DIAPH2: variants seen among roughly 807,000 people sequenced by gnomAD.
DIAPH2 encodes diaphanous related formin 2.
A neutral mutation model predicts 92.7 loss-of-function variants in DIAPH2; 35 were observed. That is an observed-to-expected ratio of 0.38 (90% confidence interval 0.29 to 0.50). The LOEUF (loss-of-function observed/expected upper bound fraction) is 0.50, where lower values mean the gene tolerates loss of function less well. Among genes scored for constraint, DIAPH2 ranks in the 20% least tolerant of loss-of-function variants. The probability of loss-of-function intolerance (pLI) is 0.94; values close to 1 mark genes in which losing one functional copy is unlikely to be tolerated. For synonymous variants in DIAPH2, 301 were observed against 280.4 expected, an observed-to-expected ratio of 1.07 and a Z score of -0.73; for missense variants, 701 against 819.5, an observed-to-expected ratio of 0.86 and a Z score of 1.77.
At chrX:97,040,455 T>G (rs1357250741) in intron 17 of DIAPH2, among the ~76,000 whole-genome samples, 1 of 111,047 alleles carries the variant, frequency 9.0e-6, no homozygotes, top group Admixed American at 9.6e-5. Flanking sequence ...AGACTTGTGT[T>G]GCATTGAATA....
intron 4 of DIAPH2, among the ~76,000 whole-genome samples, chrX:96,879,768 G>C (rs2065201275): frequency 9.1e-6 from 1 of 110,333 alleles, no homozygotes. Flanking sequence ...CTTGCTCTGT[G>C]GCTCAGGCTG....
Position 96,939,566 on chromosome X carries a change from ATG to A in DIAPH2, c.1325+198_1325+199del, listed in dbSNP as rs1158448452. 8.5e-3 allele frequency among the ~76,000 whole-genome samples: 598 copies of A among 70,439 alleles called. 4 individuals are homozygous for A. Among genetic ancestry groups the A allele is most frequent in the Non-Finnish European group, 0.013 (485 of 36,010 alleles). The allele number at this position is 70,439 out of a possible 115,157, so 61.2% of individuals were successfully genotyped here. ...TGTATGTATATATGTATATATATAT[ATG>A]TGTGTGTGTGTGTATATGTGTGTGT... On this transcript the variant is annotated intron_variant, in intron 12 of 26. Transcript: ENST00000324765.
At chrX:97,570,127 A>AAGATAGATAGATAGATAGAT (rs56210210) in intron 26 of DIAPH2, among the ~76,000 whole-genome samples, 2 of 27,328 alleles carry the variant, frequency 7.3e-5, no homozygotes, top group African/African-American at 1.4e-4. Flanking sequence ...TATATATTAG[A>AAGATAGATAGATAGATAGAT]AGATAGATAG....
chrX:96,713,624 C>T (rs1261588073), intron 1 of DIAPH2, among the ~76,000 whole-genome samples: 1 of 111,784 alleles, frequency 8.9e-6, no homozygotes, highest in Admixed American at 9.5e-5. Flanking sequence ...CATAAAAATC[C>T]TCTATTCACC....
intron 4 of DIAPH2, among the ~76,000 whole-genome samples, chrX:96,843,619 T>C (rs1254758962): frequency 3.6e-5 from 4 of 110,661 alleles, no homozygotes; most frequent in Non-Finnish European, 3.8e-5. Flanking sequence ...GCAAGACAAA[T>C]GGAATTTATG....
intron 13 of DIAPH2, among the ~76,000 whole-genome samples, chrX:96,943,880 A>G (rs762445503): frequency 9.0e-6 from 1 of 111,435 alleles, no homozygotes; most frequent in African/African-American, 3.2e-5. Context: ...TGTTATCCAC[A>G]TGTCATCTCT....
In DIAPH2 at chrX:97,154,494, A is replaced by G. The variant is rs2067308079; in HGVS notation, c.2719+12700A>G. 2.7e-5 allele frequency among the ~76,000 whole-genome samples: 3 copies of G among 111,836 alleles called. 1 individual carries two copies. The highest frequency in any genetic ancestry group is 9.7e-5 in the African/African-American group (3 of 30,849). Reference sequence around the variant, plus strand: ...TTAGAAATATCTAATCACATCATATAAATACTGCTTTGTTCTAAAACTTCA... The same window carrying G: ...TTAGAAATATCTAATCACATCATATGAATACTGCTTTGTTCTAAAACTTCA... On this transcript the variant is annotated intron_variant, in intron 22 of 26. Coordinates refer to ENST00000324765, the MANE Select transcript of DIAPH2 (RefSeq NM_006729.5).
intron 3 of DIAPH2, among the ~76,000 whole-genome samples, chrX:96,751,154 A>G (rs1821014309): frequency 1.8e-5 from 2 of 112,151 alleles, no homozygotes; most frequent in South Asian, 3.7e-4. Context: ...TCCTATTCTT[A>G]TGGCTTCTCA....
chrX:97,529,173 TC>T (rs1463321775), intron 26 of DIAPH2: 1 of 112,028 alleles, frequency 8.9e-6, no homozygotes, highest in Non-Finnish European at 1.9e-5. Flanking sequence ...TGTTTTTCAG[TC>T]ATGTTTTGTA....
intron 26 of DIAPH2, among the ~76,000 whole-genome samples, chrX:97,557,296 T>C (rs2071264092): frequency 9.0e-6 from 1 of 111,696 alleles, no homozygotes. Context: ...CCCAGCACTT[T>C]GGGAGGCCGA....
intron 3 of DIAPH2, among the ~76,000 whole-genome samples, chrX:96,751,652 G>GTTTTTTTTTTTTTTTTT (rs1219167141): frequency 2.3e-4 from 14 of 60,299 alleles, no homozygotes; most frequent in African/African-American, 8.9e-4. Flanking sequence ...TCAGTGTTTT[G>GTTTTTTTTTTTTTTTTT]TTTTTTTTTT....
chrX:97,450,880 C>G (rs920673057), intron 26 of DIAPH2, among the ~76,000 whole-genome samples: 1 of 56,842 alleles, frequency 1.8e-5, no homozygotes, highest in African/African-American at 4.6e-5. Context: ...ATACAATGGG[C>G]TACTTTTTTT....
At chrX:97,129,889 A>T (rs1331093133) in intron 21 of DIAPH2, among the ~76,000 whole-genome samples, 1 of 112,014 alleles carries the variant, frequency 8.9e-6, no homozygotes, top group Non-Finnish European at 1.9e-5. Context: ...TCCGTAATAT[A>T]TAAAGAACTC....
chrX:96,797,144 T>G (rs930927165), intron 4 of DIAPH2, among the ~76,000 whole-genome samples: 3 of 111,744 alleles, frequency 2.7e-5, no homozygotes, highest in African/African-American at 9.8e-5. Flanking sequence ...AATTTAAAGA[T>G]TTCATCCATT....
At chrX:97,541,958 G>T (rs192922117) in intron 26 of DIAPH2, among the ~76,000 whole-genome samples, 6,933 of 111,797 alleles carry the variant, frequency 0.062, 518 homozygotes, top group African/African-American at 0.21. Context: ...TAAAATTTTT[G>T]GGGGGTAAAT....
At position 97,031,208 on chromosome X, in the gene DIAPH2, G is replaced by A. The variant is rs568836834; in HGVS notation, c.2051-41733G>A. Among the ~76,000 whole-genome samples, 93 of 109,867 alleles carry A rather than the reference G, an allele frequency of 8.5e-4. No homozygotes were observed. The Middle Eastern group carries it at 0.014, about 16-fold the overall frequency. On this transcript the variant is annotated intron_variant, in intron 17 of 26. Transcript: ENST00000324765. ...TTTTCTGTAAGTGATGTCCATGGGT[G>A]ACTTTAGGGGAGCCATTTATGTATG...
chrX:97,429,506 A>G, intron 25 of DIAPH2, 144 bp from the exon 26 acceptor site: 1 of 853,065 alleles, frequency 1.2e-6, no homozygotes. Context: ...GGTGCCAGAA[A>G]CTGACAGGAT....
At chrX:97,137,988 C>T (rs1270847902) in intron 21 of DIAPH2, among the ~76,000 whole-genome samples, 2 of 112,007 alleles carry the variant, frequency 1.8e-5, no homozygotes, top group South Asian at 3.7e-4. Flanking sequence ...GAGGTTGTTA[C>T]GTACAGCATA....
chrX:97,195,534 A>C (rs1169530727), intron 22 of DIAPH2, among the ~76,000 whole-genome samples: 1 of 109,489 alleles, frequency 9.1e-6, no homozygotes, highest in African/African-American at 3.3e-5. Flanking sequence ...GGTAGTGCAC[A>C]CCTGTAATCT....
Sources: gnomAD v4.1 joint callset for allele counts (sites outside exome capture counted in the v4.1 genomes callset) on GRCh38, gnomAD v4.1.1 for gene constraint, MANE v1.5 for transcripts, NCBI Gene and HGNC (gene_info 2026-07-23, HGNC 2026-07-21) for gene names.